Variants in DMXL1 observed in about 807,000 individuals in gnomAD.
DMXL1 encodes Dmx like 1, also known as dmX-like protein 1.
A neutral mutation model predicts 319.2 loss-of-function variants in DMXL1; 99 were observed. That is an observed-to-expected ratio of 0.31 (90% CI 0.26 to 0.37). DMXL1 has a LOEUF of 0.37. DMXL1 is among the 10% of genes least tolerant of loss of function. The pLI is 1.00. For missense variants in DMXL1, 3,745 were observed against 3,595.6 expected (o/e 1.04, Z -1.06); for synonymous variants, 1,385 against 1,235.2 (o/e 1.12, Z -2.54).
In DMXL1 at chr5:119,156,303, A is replaced by AT. The variant is rs542521862; in HGVS notation, c.4702+4271dup. Among the ~76,000 whole-genome samples the AT allele has an allele frequency of 7.8e-4, 119 of 152,320 alleles. 1 individual carries two copies. Among genetic ancestry groups the AT allele is most frequent in the African/African-American group, 2.7e-3 (112 of 41,584 alleles). On this transcript the variant is annotated intron_variant, in intron 19 of 43. Coordinates refer to ENST00000539542, the MANE Select transcript of DMXL1 (RefSeq NM_001290321.3). ...TTTTTTAATTAAGGTATGTACACTC[A>AT]TTTTAGACATAACGCTATTGCACAG...
At chr5:119,128,607 T>C (rs1366960726) in intron 9 of DMXL1, among the ~76,000 whole-genome samples, 4 of 152,056 alleles carry the variant, frequency 2.6e-5, no homozygotes, top group Non-Finnish European at 5.9e-5. Context: ...AGACGTTGGG[T>C]GATAGTGATG....
At chr5:119,236,326 C>G (rs1207589823) in intron 39 of DMXL1, 2 of 152,002 alleles carry the variant, frequency 1.3e-5, no homozygotes, top group South Asian at 2.1e-4. Flanking sequence ...AAGTGATGCT[C>G]TTTAACAAAA....
chr5:119,241,136 G>A (rs1332194123), intron 42 of DMXL1, among the ~76,000 whole-genome samples: 1 of 151,994 alleles, frequency 6.6e-6, no homozygotes. Context: ...TGTTTTATAG[G>A]AAGCTAGAAA....
intron 13 of DMXL1, among the ~76,000 whole-genome samples, chr5:119,141,853 G>A (rs559426374): frequency 1.8e-4 from 28 of 152,186 alleles, no homozygotes; most frequent in African/African-American, 5.3e-4. Flanking sequence ...CATGTTACCC[G>A]ACTTCAAACT....
Position 119,211,039 on chromosome 5 carries a change from C to CATAGTATG in DMXL1, c.7926+4145_7926+4146insAGTATGAT, listed in dbSNP as rs1782724400. Among the ~76,000 whole-genome samples the CATAGTATG allele has an allele frequency of 2.9e-5, 4 of 139,320 alleles. No individual in the cohort carries two copies. In the South Asian group the frequency reaches 9.0e-4, roughly 31 times the overall value. 91.4% of individuals were successfully genotyped at this position (139,320 alleles called of 152,430 possible). A position where few individuals can be genotyped will look rare whatever the true frequency, so the allele number is the denominator to read the frequency against. ...TTTTTTTGCCTACTATTGAAATGAT[C>CATAGTATG]ATCCTTTTTTCTTTTTTAGTATGAT... is the stretch of plus-strand genomic sequence containing the variant. On this transcript the variant is annotated intron_variant, in intron 34 of 43. Coordinates refer to ENST00000539542, the MANE Select transcript of DMXL1 (RefSeq NM_001290321.3).
chr5:119,112,760 C>T (rs148943251), intron 5 of DMXL1, among the ~76,000 whole-genome samples: 4,944 of 152,188 alleles, frequency 0.032, 122 homozygotes, highest in Non-Finnish European at 0.044. Context: ...AATTCAAGAC[C>T]AGCCTGGCCA....
At chr5:119,200,315 A>AT (rs1164455686) in intron 32 of DMXL1, among the ~76,000 whole-genome samples, 1 of 152,130 alleles carries the variant, frequency 6.6e-6, no homozygotes, top group Admixed American at 6.5e-5. Context: ...TCCCAGCACC[A>AT]TTTATAGAAT....
At chr5:119,207,308 C>G (rs1287250489) in intron 34 of DMXL1, among the ~76,000 whole-genome samples, 2 of 151,928 alleles carry the variant, frequency 1.3e-5, no homozygotes, top group Non-Finnish European at 2.9e-5. Context: ...TTAAAAAATT[C>G]AAATTAGGAA....
At chr5:119,123,766 G>GACATTACCAGC (rs111416139) in intron 9 of DMXL1, among the ~76,000 whole-genome samples, 3 of 97,390 alleles carry the variant, frequency 3.1e-5, no homozygotes, top group South Asian at 4.9e-4. Context: ...AAAGTGCTGG[G>GACATTACCAGC]ATTACAGGCG....
intron 39 of DMXL1, among the ~76,000 whole-genome samples, chr5:119,234,480 C>CA (rs1787359959): frequency 6.6e-6 from 1 of 152,120 alleles, no homozygotes; most frequent in Non-Finnish European, 1.5e-5. Flanking sequence ...TTGTGTGCTG[C>CA]AACCTTTTTT....
At position 119,178,072 on chromosome 5, in the gene DMXL1, G is replaced by T; in HGVS notation, c.6963G>T (p.Glu2321Asp). 1.9e-6 allele frequency: 3 copies of T among 1,613,950 alleles called. No homozygotes were observed. The highest frequency in any genetic ancestry group is 2.5e-6 in the Non-Finnish European group (3 of 1,179,848). The change falls in exon 28 of 44, where the codon GAG becomes GAT. Residue 2321 changes from glutamate to aspartate, a missense_variant. Glu to Asp is a conservative substitution (Grantham distance 45). This residue lies in a region of DMXL1 where 1,382 missense variants were observed against 1,269.5 expected (regional missense o/e 1.09). Transcript: ENST00000539542. ...AQSGLTVLLC[E>D]ILTAVYLSLF... ...CAGGGCTTACAGTCTTGCTCTGTGAGATTCTCACAGCAGTGTATCTTAGTC... is the reference window on the plus strand; with the variant it reads ...CAGGGCTTACAGTCTTGCTCTGTGATATTCTCACAGCAGTGTATCTTAGTC...
chr5:119,203,618 T>A (rs1180819645), intron 33 of DMXL1, among the ~76,000 whole-genome samples, 182 bp downstream of exon 33: 1 of 152,154 alleles, frequency 6.6e-6, no homozygotes, highest in Non-Finnish European at 1.5e-5. Context: ...TCAATTTAAT[T>A]AATTCAAATG....
At chr5:119,087,828 G>A (rs1422645937) in intron 1 of DMXL1, among the ~76,000 whole-genome samples, 2 of 151,850 alleles carry the variant, frequency 1.3e-5, no homozygotes, top group Admixed American at 6.6e-5. Context: ...TTGAGACAGA[G>A]TCTCGTTCTG....
chr5:119,243,217 G>T (rs1789150374), intron 42 of DMXL1, among the ~76,000 whole-genome samples: 1 of 152,114 alleles, frequency 6.6e-6, no homozygotes, highest in African/African-American at 2.4e-5. Context: ...CAAAGTGCTG[G>T]TCAAAGTTCC....
At chr5:119,138,023 A>G (rs1413562846) in intron 13 of DMXL1, among the ~76,000 whole-genome samples, 1 of 152,198 alleles carries the variant, frequency 6.6e-6, no homozygotes, top group African/African-American at 2.4e-5. Flanking sequence ...GAGGTATGAA[A>G]TGATTTAGGT....
intron 38 of DMXL1, among the ~76,000 whole-genome samples, chr5:119,229,676 A>G (rs1174390599): frequency 1.3e-5 from 2 of 152,174 alleles, no homozygotes; most frequent in African/African-American, 4.8e-5. Context: ...CTTTCCTGAC[A>G]TACAAAATTA....
rs1214887845 is a variant in DMXL1, at chr5:119,133,057, A to G, written c.1316-75A>G. The G allele has an allele frequency of 2.0e-6, 3 of 1,531,892 alleles. No homozygotes were observed. In the African/African-American group the frequency reaches 4.1e-5, roughly 21 times the overall value. The allele number at this position is 1,531,892 out of a possible 1,614,324, so 94.9% of individuals were successfully genotyped here. A position where few individuals can be genotyped will look rare whatever the true frequency, so the allele number is the denominator to read the frequency against. Reference sequence around the variant, plus strand: ...GAGATCTCCATGTGTTCAGCTATCCAGAAGCTCGGTAATTCTTAATTTATA... The same window carrying G: ...GAGATCTCCATGTGTTCAGCTATCCGGAAGCTCGGTAATTCTTAATTTATA... On this transcript the variant is annotated intron_variant, in intron 10 of 43. Transcript: ENST00000539542.
rs1006720755 is a variant in DMXL1, at chr5:119,148,919, A to C, written c.3092A>C (p.Glu1031Ala). The C allele has an allele frequency of 6.2e-7, 1 of 1,613,900 alleles. No individual in the cohort carries two copies. Among genetic ancestry groups the C allele is most frequent in the African/African-American group, 1.3e-5 (1 of 75,028 alleles). The change falls in exon 18 of 44, where the codon GAA (glutamate) becomes GCA (alanine). Residue 1031 changes from glutamate (E) to alanine (A), a missense_variant. By Grantham distance (107) the Glu-to-Ala change is moderately radical. This residue lies in a region of DMXL1 where 2,096 missense variants were observed against 1,985.4 expected (regional missense o/e 1.06). Coordinates refer to ENST00000539542, the MANE Select transcript of DMXL1 (RefSeq NM_001290321.3). ...TGGGAAGAATGGCCATTACTTATTG[A>C]AGATGGACTTCAGAGCAATAGTAGT... is the stretch of plus-strand genomic sequence containing the variant. ...YIWEEWPLLI[E>A]DGLQSNSSIT... is the part of the protein sequence containing the mutation.
At chr5:119,233,210 C>A in intron 38 of DMXL1, 130 bp from the exon 39 acceptor site, 1 of 913,382 alleles carries the variant, frequency 1.1e-6, no homozygotes, top group Non-Finnish European at 1.6e-6. Flanking sequence ...ACTGAAATTT[C>A]ATACAAAGGT....
Sources: gnomAD v4.1 joint callset for allele counts (sites outside exome capture counted in the v4.1 genomes callset) on GRCh38, gnomAD v4.1.1 for gene constraint, gnomAD v4.1.1 regional missense constraint, MANE v1.5 for transcripts, NCBI Gene and HGNC (gene_info 2026-07-23, HGNC 2026-07-21) for gene names.